The following TDRD5 variants were observed in gnomAD, a reference collection of about 807,000 sequenced individuals.
The protein encoded by TDRD5 is tudor domain containing 5, also known as tudor domain-containing protein 5.
In TDRD5, 41 loss-of-function variants were observed where a neutral mutation model predicts 120.6. The ratio of observed to expected loss-of-function variants is 0.34; its 90% CI spans 0.26 to 0.44. The LOEUF is 0.44. Among genes scored for constraint, TDRD5 ranks in the 20% least tolerant of loss-of-function variants. TDRD5 has a pLI of 1.00. For synonymous variants in TDRD5, 430 were observed against 433.7 expected, an observed-to-expected ratio of 0.99 and a Z score of 0.11; for missense variants, 1,006 against 1,221.2, an observed-to-expected ratio of 0.82 and a Z score of 2.63.
At chr1:179,617,553 T>G (rs1435858270) in intron 4 of TDRD5, among the ~76,000 whole-genome samples, 3 of 152,116 alleles carry the variant, frequency 2.0e-5, no homozygotes, top group Non-Finnish European at 2.9e-5. Context: ...GGAAAAAGTA[T>G]TAATAGTGAT....
At chr1:179,634,424 G>C (rs759038492) in intron 7 of TDRD5, 33 bp from the exon 8 acceptor site, 2 of 1,574,894 alleles carry the variant, frequency 1.3e-6, no homozygotes, top group Non-Finnish European at 8.6e-7. Flanking sequence ...ATTTGAGATG[G>C]AGTTGTTTCA....
rs144236600 is a variant in TDRD5 at position 179,683,902 on chromosome 1, C to T, written c.2861-6794C>T. Reference sequence around the variant, plus strand: ...TCTTTCATTGTAGGCAGGTAATAAGCGGTTTATAGACCAGCTACGAGTACA... The same window carrying T: ...TCTTTCATTGTAGGCAGGTAATAAGTGGTTTATAGACCAGCTACGAGTACA... On this transcript the variant is annotated intron_variant, in intron 17 of 17. Coordinates refer to ENST00000444136, the MANE Select transcript of TDRD5 (RefSeq NM_001199085.3). Among the ~76,000 whole-genome samples, 400 of 152,120 alleles carry T rather than the reference C, an allele frequency of 2.6e-3. 2 individuals carry two copies. Among genetic ancestry groups the T allele is most frequent in the African/African-American group, 9.3e-3 (388 of 41,508 alleles).
At chr1:179,608,586 A>G (rs1241425039) in intron 4 of TDRD5, among the ~76,000 whole-genome samples, 3 of 152,074 alleles carry the variant, frequency 2.0e-5, no homozygotes, top group East Asian at 1.9e-4. Context: ...TGCATTTTTA[A>G]TCTTCAGGTA....
chr1:179,595,229 C>T (rs12082753), intron 3 of TDRD5, among the ~76,000 whole-genome samples: 1,584 of 152,178 alleles, frequency 0.01, 31 homozygotes, highest in African/African-American at 0.035. Context: ...GCTTTTCATC[C>T]TCCCAGAACT....
chr1:179,609,954 A>G (rs1381075533), intron 4 of TDRD5, among the ~76,000 whole-genome samples: 3 of 152,074 alleles, frequency 2.0e-5, no homozygotes, highest in African/African-American at 4.8e-5. Context: ...TGTCTCCTCA[A>G]TTCATCTAGA....
At chr1:179,630,106 T>A (rs565273446) in intron 6 of TDRD5, among the ~76,000 whole-genome samples, 229 of 152,090 alleles carry the variant, frequency 1.5e-3, no homozygotes, top group African/African-American at 5.3e-3. Context: ...CATGCCATTC[T>A]CCGGCCTCAG....
intron 13 of TDRD5, among the ~76,000 whole-genome samples, 177 bp from the exon 14 acceptor site, chr1:179,654,024 C>T (rs1678860631): frequency 1.3e-5 from 2 of 152,134 alleles, no homozygotes; most frequent in South Asian, 4.1e-4. Context: ...AATAAATGTT[C>T]ATTGGCCGGA....
rs1432841168 is a variant in TDRD5 at position 179,593,577 on chromosome 1, C to T, written c.350C>T (p.Ser117Phe). 21 of 1,614,120 alleles carry T rather than the reference C, an allele frequency of 1.3e-5. No individual in the cohort carries two copies. The highest frequency in any genetic ancestry group is 1.8e-5 in the Non-Finnish European group (21 of 1,180,044). ...GRPSIYSGPR[S>F]HRRVPYRGRV... ...CCTAGTATTTATTCTGGACCGAGAT[C>T]TCATCGGCGAGTACCTTACCGAGGA... The change falls in exon 3 of 18, where the codon TCT becomes TTT. Residue 117 changes from serine to phenylalanine, a missense_variant. By Grantham distance (155) the Ser-to-Phe change is radical (BLOSUM62 -2). Transcript: ENST00000444136.
chr1:179,620,907 T>A, intron 5 of TDRD5, 128 bp from the exon 6 acceptor site: 11 of 687,318 alleles, frequency 1.6e-5, no homozygotes, highest in African/African-American at 1.9e-5. Flanking sequence ...AAAAAAACAA[T>A]TTAATATGAC....
chr1:179,689,510 T>G (rs1251536006), intron 17 of TDRD5, among the ~76,000 whole-genome samples: 1 of 152,214 alleles, frequency 6.6e-6, no homozygotes, highest in South Asian at 2.1e-4. Context: ...AGGGACCCAC[T>G]TCAGGAGGCA....
intron 12 of TDRD5, among the ~76,000 whole-genome samples, chr1:179,651,724 T>A (rs755225992): frequency 2.0e-5 from 3 of 152,114 alleles, no homozygotes; most frequent in Non-Finnish European, 2.9e-5. Context: ...CCATCCTGGC[T>A]AACACAGTGA....
chr1:179,594,497 C>T (rs1426519434), intron 3 of TDRD5, among the ~76,000 whole-genome samples: 1 of 152,136 alleles, frequency 6.6e-6, no homozygotes, highest in Non-Finnish European at 1.5e-5. Context: ...AGTTAGATAC[C>T]CAGCTCTTAT....
intron 17 of TDRD5, among the ~76,000 whole-genome samples, chr1:179,676,664 T>C (rs973772043): frequency 3.3e-5 from 5 of 152,234 alleles, no homozygotes; most frequent in Admixed American, 6.5e-5. Context: ...TTAAGGAGGC[T>C]AGAAATAGGA....
At chr1:179,630,458 TG>T (rs1677373517) in intron 6 of TDRD5, among the ~76,000 whole-genome samples, 1 of 150,502 alleles carries the variant, frequency 6.6e-6, no homozygotes, top group Non-Finnish European at 1.5e-5. Context: ...ATTCTCCTCT[TG>T]TTTTTTTAAA....
rs188271551 is a variant in TDRD5, at chr1:179,674,929, C to A, written c.2860+5525C>A. ...AATTGAGTTTATTTGGATCCTCTCTCTTCTTTTCTTAGTTAATCTCACTAA... is the reference window on the plus strand; with the variant it reads ...AATTGAGTTTATTTGGATCCTCTCTATTCTTTTCTTAGTTAATCTCACTAA... On this transcript the variant is annotated intron_variant, in intron 17 of 17. Transcript: ENST00000444136. 2.0e-4 allele frequency among the ~76,000 whole-genome samples: 30 copies of A among 152,252 alleles called. 1 individual carries two copies. Among genetic ancestry groups the A allele is most frequent in the Admixed American group, 1.6e-3 (25 of 15,298 alleles).
chr1:179,647,643 A>C (rs917267152), intron 11 of TDRD5, among the ~76,000 whole-genome samples: 1 of 152,194 alleles, frequency 6.6e-6, no homozygotes, highest in Admixed American at 6.5e-5. Flanking sequence ...AGAAACTACC[A>C]TCAGAGTGAA....
chr1:179,690,739 C>G lies in TDRD5; in HGVS notation c.2904C>G (p.Ser968Arg), dbSNP rs779517035. 1.4e-5 allele frequency: 23 copies of G among 1,614,088 alleles called. No homozygotes were observed. Among genetic ancestry groups the G allele is most frequent in the Non-Finnish European group, 1.9e-5 (23 of 1,179,992 alleles). ...TCCTAAAGAATGAAGATTTTTCTAG[C>G]AGCCGTGCTATTACATTGTACAAAG... ...PEILKNEDFS[S>R]SRAITLYKDK... Residue 968 changes from serine (S) to arginine (R), a missense_variant, in exon 18 of 18, where the codon AGC (serine) becomes AGG (arginine). This residue lies in a region of TDRD5 where 403 missense variants were observed against 448.1 expected (regional missense o/e 0.90). Coordinates refer to ENST00000444136, the MANE Select transcript of TDRD5 (RefSeq NM_001199085.3).
intron 4 of TDRD5, among the ~76,000 whole-genome samples, chr1:179,615,156 A>G (rs1343117572): frequency 6.6e-6 from 1 of 152,042 alleles, no homozygotes; most frequent in Non-Finnish European, 1.5e-5. Flanking sequence ...TTGTAATTAC[A>G]TATATATATG....
chr1:179,607,783 A>G (rs1676054326), intron 4 of TDRD5, among the ~76,000 whole-genome samples: 1 of 151,930 alleles, frequency 6.6e-6, no homozygotes. Flanking sequence ...GTTTAAGGTA[A>G]ATAGAAATAT....
Sources: allele counts gnomAD v4.1 joint callset (sites outside exome capture counted in the v4.1 genomes callset), GRCh38; gene constraint gnomAD v4.1.1; regional missense constraint gnomAD v4.1.1; transcripts MANE v1.5; gene names NCBI Gene and HGNC (gene_info 2026-07-23, HGNC 2026-07-21).